TG: variants seen among roughly 807,000 people sequenced by gnomAD.
TG encodes the protein thyroid hormones.
A neutral mutation model predicts 324.7 loss-of-function variants in TG; 270 were observed. The observed-to-expected ratio is 0.83, with a 90% CI of 0.75 to 0.92. TG has a LOEUF of 0.92. Ranked by LOEUF, TG falls within the 40% of genes least tolerant of loss-of-function variation. TG has a pLI of 0.00. For missense variants in TG, 3,591 were observed against 3,456.4 expected (o/e 1.04, Z -0.98); for synonymous variants, 1,401 against 1,327.0 (o/e 1.06, Z -1.21).
At chr8:133,115,519 C>A (rs867406760) in intron 44 of TG, among the ~76,000 whole-genome samples, 1 of 152,188 alleles carries the variant, frequency 6.6e-6, no homozygotes, top group Non-Finnish European at 1.5e-5. Context: ...GCAGACTCAC[C>A]AAAGGCTTTT....
At position 133,040,254 on chromosome 8, in the gene TG, T is replaced by C. The variant is rs962755175; in HGVS notation, c.7239+10231T>C. 34 of 1,056,204 alleles carry C rather than the reference T, an allele frequency of 3.2e-5. No homozygotes were observed. The Admixed American group carries it at 6.1e-4, about 19-fold the overall frequency. The allele number at this position is 1,056,204 out of a possible 1,614,324, so 65.4% of individuals were successfully genotyped here. A position where few individuals can be genotyped will look rare whatever the true frequency, so the allele number is the denominator to read the frequency against. On this transcript the variant is annotated intron_variant, in intron 41 of 47. Transcript: ENST00000220616. Reference sequence around the variant, plus strand: ...CTGCCATGGGGAACTGGGCCTGAGATTTCAAAGGGGCATGGTAGGTGGTGA... The same window carrying C: ...CTGCCATGGGGAACTGGGCCTGAGACTTCAAAGGGGCATGGTAGGTGGTGA...
At chr8:132,991,324 G>A (rs1266982800) in intron 35 of TG, among the ~76,000 whole-genome samples, 3 of 152,034 alleles carry the variant, frequency 2.0e-5, no homozygotes, top group African/African-American at 7.2e-5. Context: ...GCCTTTAAAC[G>A]CTGTGCACCA....
At chr8:133,064,796 A>G (rs1055620013) in intron 41 of TG, among the ~76,000 whole-genome samples, 2 of 152,092 alleles carry the variant, frequency 1.3e-5, no homozygotes, top group African/African-American at 4.8e-5. Flanking sequence ...AGAACCTTCC[A>G]TTCCTGGGAC....
At chr8:133,021,939 G>A in intron 39 of TG, 52 bp from the exon 40 acceptor site, 1 of 1,611,952 alleles carries the variant, frequency 6.2e-7, no homozygotes, top group Non-Finnish European at 8.5e-7. Context: ...CTCCAAGCAT[G>A]GGAAAGGTGC....
intron 31 of TG, among the ~76,000 whole-genome samples, chr8:132,968,190 T>C (rs1329223556): frequency 6.6e-6 from 1 of 152,132 alleles, no homozygotes; most frequent in African/African-American, 2.4e-5. Flanking sequence ...AAAGGGTTAT[T>C]TGGGGGCAGT....
At chr8:133,002,888 C>A (rs7014463) in intron 35 of TG, 12,778 of 441,222 alleles carry the variant, frequency 0.029, 1,485 homozygotes, top group African/African-American at 0.25. Context: ...ACATTGTAAA[C>A]GCTTCCAGTT....
chr8:133,015,692 G>T (rs928520668), intron 37 of TG, among the ~76,000 whole-genome samples: 1 of 152,192 alleles, frequency 6.6e-6, no homozygotes, highest in Admixed American at 6.5e-5. Flanking sequence ...GCAGAATGAG[G>T]TTCCAGCACT....
chr8:132,912,479 G>A (rs1374931909), intron 19 of TG, among the ~76,000 whole-genome samples: 3 of 151,956 alleles, frequency 2.0e-5, no homozygotes, highest in African/African-American at 7.2e-5. Flanking sequence ...CATGGTGCTC[G>A]CCTGCTTTCT....
chr8:133,111,677 G>C (rs571827807), intron 43 of TG, among the ~76,000 whole-genome samples: 6 of 152,142 alleles, frequency 3.9e-5, no homozygotes. Context: ...GCTATTTCAG[G>C]TCTGTGTCTG....
chr8:132,988,055 C>T (rs1469863544), intron 35 of TG, among the ~76,000 whole-genome samples: 1 of 136,778 alleles, frequency 7.3e-6, no homozygotes, highest in Admixed American at 7.5e-5. Flanking sequence ...GCAGCTTGTA[C>T]ATACACATGC....
chr8:132,877,862 G>A (rs16904765), intron 5 of TG, among the ~76,000 whole-genome samples: 4,719 of 152,296 alleles, frequency 0.031, 177 homozygotes, highest in East Asian at 0.087. Context: ...TGATTGCTCT[G>A]TTGGAGTGGT....
At chr8:132,905,030 G>A (rs1272581085) in intron 16 of TG, among the ~76,000 whole-genome samples, 1 of 152,124 alleles carries the variant, frequency 6.6e-6, no homozygotes, top group Non-Finnish European at 1.5e-5. Context: ...GGGATAATGG[G>A]ACCTATCCCA....
At chr8:132,957,887 A>G (rs2130279511) in intron 27 of TG, among the ~76,000 whole-genome samples, 1 of 152,264 alleles carries the variant, frequency 6.6e-6, no homozygotes, top group South Asian at 2.1e-4. Flanking sequence ...TGCACCCATC[A>G]TCTGAACAGT....
chr8:133,097,524 T>C (rs1228029326), intron 43 of TG, among the ~76,000 whole-genome samples: 1 of 152,224 alleles, frequency 6.6e-6, no homozygotes, highest in African/African-American at 2.4e-5. Flanking sequence ...CTGGCTTAAG[T>C]GATGCCTCTG....
chr8:132,934,895 A>G (rs745531309), intron 24 of TG, among the ~76,000 whole-genome samples: 2 of 152,286 alleles, frequency 1.3e-5, no homozygotes, highest in African/African-American at 2.4e-5. Context: ...TGACCTCACC[A>G]TCTCCGAGCT....
At chr8:132,953,510 T>A (rs558590653) in intron 27 of TG, among the ~76,000 whole-genome samples, 2 of 152,312 alleles carry the variant, frequency 1.3e-5, no homozygotes, top group African/African-American at 4.8e-5. Flanking sequence ...CCTTAGCATA[T>A]CCTTTTCTGT....
At chr8:133,006,170 G>A (rs1290269903) in intron 35 of TG, among the ~76,000 whole-genome samples, 1 of 152,236 alleles carries the variant, frequency 6.6e-6, no homozygotes, top group African/African-American at 2.4e-5. Context: ...TAAGGGACTT[G>A]CCTGAGGACA....
chr8:133,019,207 T>A (rs181814120), intron 38 of TG, among the ~76,000 whole-genome samples: 1 of 152,196 alleles, frequency 6.6e-6, no homozygotes, highest in African/African-American at 2.4e-5. Context: ...AAACCAGCAC[T>A]GTAGGACTCT....
intron 45 of TG, among the ~76,000 whole-genome samples, chr8:133,123,898 T>C (rs921687075): frequency 2.0e-5 from 3 of 152,230 alleles, no homozygotes; most frequent in Non-Finnish European, 4.4e-5. Flanking sequence ...CTATGAAGTG[T>C]GTCAGGATTA....
Sources: gnomAD v4.1 joint callset for allele counts (sites outside exome capture counted in the v4.1 genomes callset) on GRCh38, gnomAD v4.1.1 for gene constraint, MANE v1.5 for transcripts, NCBI Gene and HGNC (gene_info 2026-07-23, HGNC 2026-07-21) for gene names.